Variants in KCNN3 observed in about 807,000 individuals in gnomAD.
KCNN3 encodes the protein small conductance calcium-activated potassium channel protein 3.
A neutral mutation model predicts 62.9 loss-of-function variants in KCNN3; 16 were observed. That is an observed-to-expected ratio of 0.25 (90% CI 0.17 to 0.39). The LOEUF (loss-of-function observed/expected upper bound fraction) is 0.39, where lower values mean the gene tolerates loss of function less well. KCNN3 is among the 10% of genes least tolerant of loss of function. The pLI, the probability that KCNN3 is intolerant of heterozygous loss-of-function variation, is 1.00. For synonymous variants in KCNN3, 370 were observed against 389.2 expected (o/e 0.95, Z 0.58); for missense variants, 599 against 949.4 (o/e 0.63, Z 4.85).
At chr1:154,714,695 A>AT (rs139275179) in intron 6 of KCNN3, among the ~76,000 whole-genome samples, 181 bp downstream of exon 6, 8,366 of 146,648 alleles carry the variant, frequency 0.057, 239 homozygotes, top group African/African-American at 0.081. Context: ...TTTACCTTCC[A>AT]TAGCAGCCTG....
At position 154,869,695 on chromosome 1, in the gene KCNN3, T is replaced by C; in HGVS notation, c.270A>G (p.Gln90=). ...CAGGGTGGACGGGCTGGCTCTGGAGTTGGGCGAGCTGAGACAGGGGATGCG... is the reference window on the plus strand; with the variant it reads ...CAGGGTGGACGGGCTGGCTCTGGAGCTGGGCGAGCTGAGACAGGGGATGCG... ...QPPHPLSQLA[Q]LQSQPVHPGL... The change falls in exon 1 of 8, where the codon CAA becomes CAG. Residue 90 remains glutamine (Q), a synonymous_variant. Coordinates refer to ENST00000271915, the MANE Select transcript of KCNN3 (RefSeq NM_002249.6). This position sits in a 1 kb window ranked among gnomAD's most constrained non-coding sequence, Gnocchi z 6.1. The C allele has an allele frequency of 6.4e-7, 1 of 1,567,898 alleles. No homozygotes were observed. The highest frequency in any genetic ancestry group is 8.6e-7 in the Non-Finnish European group (1 of 1,157,240).
intron 3 of KCNN3, among the ~76,000 whole-genome samples, chr1:154,740,248 G>A (rs895595212): frequency 1.3e-5 from 2 of 152,146 alleles, no homozygotes; most frequent in African/African-American, 4.8e-5. Context: ...CCTCTAATGA[G>A]AAATACTGCT....
chr1:154,743,310 G>A (rs1452415658), intron 3 of KCNN3, among the ~76,000 whole-genome samples: 6 of 152,282 alleles, frequency 3.9e-5, no homozygotes, highest in South Asian at 2.1e-4. Flanking sequence ...CTGCCTGGGC[G>A]ACGCTTGCCT....
At chr1:154,822,475 T>C (rs925158943) in intron 1 of KCNN3, among the ~76,000 whole-genome samples, 5 of 152,242 alleles carry the variant, frequency 3.3e-5, no homozygotes, top group Admixed American at 1.3e-4. Flanking sequence ...ATGTTTGTTA[T>C]ACACGGCTAG....
chr1:154,706,440 G>A lies in KCNN3; in HGVS notation c.*1536C>T, dbSNP rs968887453. On this transcript the variant is annotated 3_prime_UTR_variant, in exon 8 of 8. Coordinates refer to ENST00000271915, the MANE Select transcript of KCNN3 (RefSeq NM_002249.6). ...GCAGAAACCAAAGACCTCAGAATGA[G>A]AAAGTCATGGTTTTCACGTCACAAA... 1 of 152,234 alleles carries A rather than the reference G, an allele frequency of 6.6e-6. No individual in the cohort carries two copies. The highest frequency in any genetic ancestry group is 2.4e-5 in the African/African-American group (1 of 41,464). The allele number at this position is 152,234 out of a possible 1,614,324, so 9.4% of individuals were successfully genotyped here. A position where few individuals can be genotyped will look rare whatever the true frequency, so the allele number is the denominator to read the frequency against.
At chr1:154,714,609 T>G (rs1160230878) in intron 6 of KCNN3, among the ~76,000 whole-genome samples, 3 of 56,298 alleles carry the variant, frequency 5.3e-5, no homozygotes, top group Admixed American at 1.7e-4. Context: ...ATGTGTGGTG[T>G]GTGGTGTGTG....
At chr1:154,797,349 G>A (rs1649775246) in intron 2 of KCNN3, among the ~76,000 whole-genome samples, 2 of 152,232 alleles carry the variant, frequency 1.3e-5, no homozygotes. Context: ...CTGGCTGTGT[G>A]ATTTTGGGCA....
intron 6 of KCNN3, 90 bp downstream of exon 6, chr1:154,714,786 T>C: frequency 1.9e-6 from 3 of 1,541,170 alleles, no homozygotes; most frequent in African/African-American, 1.4e-5. Flanking sequence ...TGGAACAGAA[T>C]GGATTTCTTC....
chr1:154,733,235 T>C (rs1180762010), intron 3 of KCNN3, 91 bp from the exon 4 acceptor site: 5 of 1,340,838 alleles, frequency 3.7e-6, no homozygotes, highest in Non-Finnish European at 5.4e-6. Flanking sequence ...GGAAATGAGA[T>C]ATTTTGCTGA....
chr1:154,849,411 G>A (rs961550791), intron 1 of KCNN3, among the ~76,000 whole-genome samples: 1 of 152,228 alleles, frequency 6.6e-6, no homozygotes, highest in Non-Finnish European at 1.5e-5. Flanking sequence ...CTAGAAAGCG[G>A]ATTGGCCTGC....
At chr1:154,749,330 C>T (rs1306833922) in intron 3 of KCNN3, among the ~76,000 whole-genome samples, 1 of 152,228 alleles carries the variant, frequency 6.6e-6, no homozygotes, top group Non-Finnish European at 1.5e-5. Context: ...CTCAGTTATG[C>T]TTTCCAAAGA....
At position 154,741,814 on chromosome 1, in the gene KCNN3, G is replaced by C. The variant is rs190513305; in HGVS notation, c.1449-8670C>G. On this transcript the variant is annotated intron_variant, in intron 3 of 7. Coordinates refer to ENST00000271915, the MANE Select transcript of KCNN3 (RefSeq NM_002249.6). Reference sequence around the variant, plus strand: ...TGTTTGTTGGAAATTTGCAGGCATTGAGCCAGATCCTCTGCAGAACTCCAA... The same window carrying C: ...TGTTTGTTGGAAATTTGCAGGCATTCAGCCAGATCCTCTGCAGAACTCCAA... 9.6e-4 allele frequency among the ~76,000 whole-genome samples: 146 copies of C among 151,990 alleles called. 1 individual carries two copies. The highest frequency in any genetic ancestry group is 1.7e-3 in the Non-Finnish European group (117 of 68,004).
intron 5 of KCNN3, among the ~76,000 whole-genome samples, chr1:154,724,914 TG>T (rs1399590425): frequency 6.6e-6 from 1 of 151,722 alleles, no homozygotes; most frequent in Non-Finnish European, 1.5e-5. Flanking sequence ...TGGAGTGCAG[TG>T]GCGCGATCTC....
intron 1 of KCNN3, among the ~76,000 whole-genome samples, chr1:154,866,891 G>A (rs1393831034): frequency 6.6e-6 from 1 of 152,192 alleles, no homozygotes; most frequent in Non-Finnish European, 1.5e-5. Flanking sequence ...CTCCCCCTCA[G>A]GGGTGGCACC....
chr1:154,790,163 T>G (rs2101861315), intron 2 of KCNN3, among the ~76,000 whole-genome samples: 1 of 152,304 alleles, frequency 6.6e-6, no homozygotes, highest in Non-Finnish European at 1.5e-5. Flanking sequence ...ACTCCTGATC[T>G]CAGGTGATCT....
rs937133541 is a variant in KCNN3 at position 154,700,371 on chromosome 1, T to C, written c.*7605A>G. On this transcript the variant is annotated 3_prime_UTR_variant, in exon 8 of 8. Transcript: ENST00000271915. Reference sequence around the variant, plus strand: ...GCATATAGCCATGGACTTGAATTACTGTCAAGAGGTCTGCTTTCCCCAAAT... The same window carrying C: ...GCATATAGCCATGGACTTGAATTACCGTCAAGAGGTCTGCTTTCCCCAAAT... 6.6e-6 allele frequency: 1 copy of C among 152,260 alleles called. No homozygotes were observed. The highest frequency in any genetic ancestry group is 1.5e-5 in the Non-Finnish European group (1 of 68,056). The allele number at this position is 152,260 out of a possible 1,614,324, so 9.4% of individuals were successfully genotyped here.
intron 3 of KCNN3, among the ~76,000 whole-genome samples, chr1:154,737,920 A>G (rs1346087183): frequency 2.6e-5 from 4 of 152,192 alleles, no homozygotes; most frequent in African/African-American, 4.8e-5. Context: ...GACCCCCATC[A>G]TCTCTTAAAA....
At chr1:154,790,376 A>T (rs1261850651) in intron 2 of KCNN3, among the ~76,000 whole-genome samples, 1 of 152,226 alleles carries the variant, frequency 6.6e-6, no homozygotes. Context: ...TAGAAAATGC[A>T]TTTAATACAC....
intron 2 of KCNN3, among the ~76,000 whole-genome samples, chr1:154,785,231 T>C (rs1294848857): frequency 6.6e-6 from 1 of 152,196 alleles, no homozygotes; most frequent in Non-Finnish European, 1.5e-5. Flanking sequence ...TGGGCCCTGA[T>C]TGGTTCTAAG....
Sources: gnomAD v4.1 joint callset for allele counts (sites outside exome capture counted in the v4.1 genomes callset) on GRCh38, gnomAD v4.1.1 for gene constraint, Gnocchi (gnomAD v3.1) non-coding constraint, MANE v1.5 for transcripts, NCBI Gene and HGNC (gene_info 2026-07-23, HGNC 2026-07-21) for gene names.